CUX2: variants seen among roughly 807,000 people sequenced by gnomAD.
CUX2 encodes cut like homeobox 2, also known as homeobox protein cut-like 2.
Under a neutral mutation model 144.8 loss-of-function variants are expected in CUX2, and 40 were observed. The observed-to-expected ratio is 0.28, with a 90% CI of 0.21 to 0.36. The LOEUF is 0.36. Ranked by LOEUF, CUX2 falls within the 10% of genes least tolerant of loss-of-function variation. The pLI, the probability that CUX2 is intolerant of heterozygous loss-of-function variation, is 1.00. For missense variants in CUX2, 1,615 were observed against 1,994.0 expected, an observed-to-expected ratio of 0.81 and a Z score of 3.62; for synonymous variants, 827 against 875.6, an observed-to-expected ratio of 0.94 and a Z score of 0.98.
At position 111,348,461 on chromosome 12, in the gene CUX2, T is replaced by G. The variant is rs188205921; in HGVS notation, c.*136T>G. 1.4e-5 allele frequency: 12 copies of G among 868,778 alleles called. No individual in the cohort carries two copies. The Admixed American group carries it at 3.4e-4, about 25-fold the overall frequency. The allele number at this position is 868,778 out of a possible 1,614,324, so 53.8% of individuals were successfully genotyped here. A position where few individuals can be genotyped will look rare whatever the true frequency, so the allele number is the denominator to read the frequency against. ...GACAGCAATGTTATGCCGTTTACGT[T>G]TTTTGTTGTAATCCTAGTTCTATGA... On this transcript the variant is annotated 3_prime_UTR_variant, in exon 22 of 22. Transcript: ENST00000261726.
At chr12:111,098,557 C>T (rs944353806) in intron 1 of CUX2, among the ~76,000 whole-genome samples, 2 of 152,228 alleles carry the variant, frequency 1.3e-5, no homozygotes, top group African/African-American at 4.8e-5. Flanking sequence ...TGTGAGCTGC[C>T]TTGCCAGCAT....
At chr12:111,087,839 A>G (rs1393761323) in intron 1 of CUX2, among the ~76,000 whole-genome samples, 1 of 152,208 alleles carries the variant, frequency 6.6e-6, no homozygotes, top group Non-Finnish European at 1.5e-5. Flanking sequence ...TTTACCCCAA[A>G]ACCTGCACAC....
Position 111,307,216 on chromosome 12 carries a change from C to T in CUX2, c.1068C>T (p.Leu356=). 1 of 1,614,212 alleles carries T rather than the reference C, an allele frequency of 6.2e-7. No individual in the cohort carries two copies. The highest frequency in any genetic ancestry group is 1.1e-5 in the South Asian group (1 of 91,078). ...TCTTCTAGAAGCTGGAAGAGAAGCT[C>T]CAGGCCCAGTCTGACTATGAGGAAA... ...SEAIEKLEEK[L]QAQSDYEEIK... Residue 356 remains leucine, a synonymous_variant, in exon 12 of 22, where the codon CTC becomes CTT. Coordinates refer to ENST00000261726, the MANE Select transcript of CUX2 (RefSeq NM_015267.4). The surrounding 1 kb of genome is among the most constrained non-coding windows in gnomAD (Gnocchi z 4.1).
chr12:111,105,449 A>T (rs868799310), intron 1 of CUX2, among the ~76,000 whole-genome samples: 4 of 152,110 alleles, frequency 2.6e-5, no homozygotes, highest in Middle Eastern at 3.2e-3. Flanking sequence ...ATGTTTTGAA[A>T]TTCAGGAGAG....
At position 111,077,472 on chromosome 12, in the gene CUX2, G is replaced by A. The variant is rs1280502686; in HGVS notation, c.63+43232G>A. Among the ~76,000 whole-genome samples, 3 of 152,194 alleles carry A rather than the reference G, an allele frequency of 2.0e-5. No homozygotes were observed. In the South Asian group the frequency reaches 6.2e-4, roughly 32 times the overall value. On this transcript the variant is annotated intron_variant, in intron 1 of 21. Coordinates refer to ENST00000261726, the MANE Select transcript of CUX2 (RefSeq NM_015267.4). This position sits in a 1 kb window ranked among gnomAD's most constrained non-coding sequence, Gnocchi z 4.1. ...ATCAGGCTCACCAGCCCCGGTCTTG[G>A]ACCACTGAATAATTTACGGTCCCTC...
At chr12:111,100,596 C>T (rs143607519) in intron 1 of CUX2, among the ~76,000 whole-genome samples, 4 of 152,260 alleles carry the variant, frequency 2.6e-5, no homozygotes, top group Non-Finnish European at 4.4e-5. Context: ...TGTGTGTAAG[C>T]ATGAGTGTAC....
Position 111,277,528 on chromosome 12 carries a change from C to T in CUX2, c.301+13689C>T, listed in dbSNP as rs1305406452. On this transcript the variant is annotated intron_variant, in intron 4 of 21. Transcript: ENST00000261726. This position sits in a 1 kb window ranked among gnomAD's most constrained non-coding sequence, Gnocchi z 5.0. Reference sequence around the variant, plus strand: ...ACCAGGCTGCCCATTTAGCGCCACCCAGCCCACCCTCTCCCCCAGCCCTGC... The same window carrying T: ...ACCAGGCTGCCCATTTAGCGCCACCTAGCCCACCCTCTCCCCCAGCCCTGC... Among the ~76,000 whole-genome samples the T allele has an allele frequency of 6.6e-6, 1 of 152,120 alleles. No individual in the cohort carries two copies. The highest frequency in any genetic ancestry group is 1.5e-5 in the Non-Finnish European group (1 of 68,028).
chr12:111,309,696 CCT>C (rs886786147), intron 14 of CUX2, among the ~76,000 whole-genome samples: 3 of 149,574 alleles, frequency 2.0e-5, no homozygotes, highest in African/African-American at 4.9e-5. Flanking sequence ...CCTCTCCCTG[CCT>C]CTCTCTGTCA....
chr12:111,121,416 G>A (rs1874681513), intron 1 of CUX2, among the ~76,000 whole-genome samples: 1 of 103,974 alleles, frequency 9.6e-6, no homozygotes, highest in African/African-American at 3.8e-5. Flanking sequence ...TTGCTCTATC[G>A]CCCAAGCTGG....
intron 1 of CUX2, among the ~76,000 whole-genome samples, chr12:111,120,036 C>A (rs1045141919): frequency 2.0e-5 from 3 of 151,820 alleles, no homozygotes; most frequent in Non-Finnish European, 4.4e-5. Context: ...CCAGCCTGGG[C>A]GACAGAGTGA....
At chr12:111,102,202 C>T (rs1051238353) in intron 1 of CUX2, among the ~76,000 whole-genome samples, 2 of 152,118 alleles carry the variant, frequency 1.3e-5, no homozygotes, top group African/African-American at 2.4e-5. Flanking sequence ...GTGGGTGGGC[C>T]GCGCCAAATG....
intron 18 of CUX2, among the ~76,000 whole-genome samples, chr12:111,325,155 G>A (rs1323767521): frequency 6.6e-5 from 10 of 151,914 alleles, no homozygotes; most frequent in Non-Finnish European, 1.0e-4. Context: ...TTATCCGGGC[G>A]TGGTGGCAGG....
At chr12:111,144,387 T>G (rs879583548) in intron 1 of CUX2, among the ~76,000 whole-genome samples, 7 of 152,196 alleles carry the variant, frequency 4.6e-5, no homozygotes, top group Non-Finnish European at 1.0e-4. Context: ...AACGTCTCTT[T>G]TGGCCTCTGC....
intron 3 of CUX2, among the ~76,000 whole-genome samples, chr12:111,223,417 G>A (rs186642928): frequency 4.5e-4 from 69 of 152,222 alleles, no homozygotes; most frequent in African/African-American, 1.6e-3. Flanking sequence ...CACATCTGCC[G>A]TGTGTCCCTG....
At chr12:111,316,903 C>CA (rs1887225260) in intron 16 of CUX2, among the ~76,000 whole-genome samples, 1 of 152,138 alleles carries the variant, frequency 6.6e-6, no homozygotes, top group South Asian at 2.1e-4. Context: ...CTCCCCCCAG[C>CA]CCCTGGAAAC....
chr12:111,102,276 G>GGCA (rs1199383365), intron 1 of CUX2, among the ~76,000 whole-genome samples: 1 of 152,220 alleles, frequency 6.6e-6, no homozygotes, highest in Non-Finnish European at 1.5e-5. Context: ...AATCACCCTG[G>GGCA]GCAGCAGCCA....
chr12:111,152,259 T>G (rs1420657267), intron 1 of CUX2, among the ~76,000 whole-genome samples: 1 of 151,986 alleles, frequency 6.6e-6, no homozygotes, highest in Non-Finnish European at 1.5e-5. Flanking sequence ...CACTCCAGCC[T>G]GGGCGACAGA....
intron 1 of CUX2, among the ~76,000 whole-genome samples, chr12:111,200,280 T>G (rs1012313090): frequency 2.0e-5 from 3 of 152,086 alleles, no homozygotes; most frequent in African/African-American, 7.2e-5. Context: ...CGGGTGCAGC[T>G]TCAGGTAATT....
chr12:111,228,941 C>T (rs1306696199), intron 3 of CUX2, among the ~76,000 whole-genome samples: 1 of 152,046 alleles, frequency 6.6e-6, no homozygotes, highest in Non-Finnish European at 1.5e-5. Flanking sequence ...CCCCAGTAAA[C>T]CACCATAGAC....
Sources: allele counts gnomAD v4.1 joint callset (sites outside exome capture counted in the v4.1 genomes callset), GRCh38; gene constraint gnomAD v4.1.1; non-coding constraint Gnocchi (gnomAD v3.1); transcripts MANE v1.5; gene names NCBI Gene and HGNC (gene_info 2026-07-23, HGNC 2026-07-21).